The following KDM4C variants were observed in gnomAD, a reference collection of about 807,000 sequenced individuals.
The protein encoded by KDM4C is lysine demethylase 4C.
Under a neutral mutation model 129.3 loss-of-function variants are expected in KDM4C, and 81 were observed. That is an observed-to-expected ratio of 0.63 (90% CI 0.52 to 0.75). The LOEUF (loss-of-function observed/expected upper bound fraction) is 0.75, where lower values mean the gene tolerates loss of function less well. Ranked by LOEUF, KDM4C falls within the 30% of genes least tolerant of loss-of-function variation. The pLI is 0.00. For missense variants in KDM4C, 1,457 were observed against 1,304.0 expected (o/e 1.12, Z -1.81); for synonymous variants, 573 against 456.1 (o/e 1.26, Z -3.26).
chr9:6,909,501 G>A (rs1818894232), intron 8 of KDM4C, among the ~76,000 whole-genome samples: 2 of 152,176 alleles, frequency 1.3e-5, no homozygotes, highest in South Asian at 4.1e-4. Flanking sequence ...CAGGGCCCAT[G>A]AAAAATCACC....
At chr9:6,827,305 A>G (rs112616054) in intron 4 of KDM4C, among the ~76,000 whole-genome samples, 4 of 152,218 alleles carry the variant, frequency 2.6e-5, no homozygotes, top group Admixed American at 6.5e-5. Context: ...CAGCTCAGAA[A>G]TGTTTACTTT....
At chr9:6,857,922 GTTTTTTTTTTTT>G (rs71487861) in intron 5 of KDM4C, among the ~76,000 whole-genome samples, 1 of 103,118 alleles carries the variant, frequency 9.7e-6, no homozygotes. Flanking sequence ...ATCTGGCTAA[GTTTTTTTTTTTT>G]TTTTTTTTTT....
In KDM4C at chr9:7,174,749, G is replaced by A. The variant is rs776897612; in HGVS notation, c.*20G>A. 3 of 1,605,314 alleles carry A rather than the reference G, an allele frequency of 1.9e-6. No homozygotes were observed. The highest frequency in any genetic ancestry group is 2.6e-6 in the Non-Finnish European group (3 of 1,172,924). On this transcript the variant is annotated 3_prime_UTR_variant, in exon 22 of 22. Transcript: ENST00000381309. The stretch of plus-strand genomic sequence containing the variant: ...CAGTAGTCTGCATACATCGCTGCAG[G>A]CCACAGAGCAGCTTGGGTTGGAAGA...
chr9:6,807,156 C>T (rs1830144963), intron 3 of KDM4C, among the ~76,000 whole-genome samples: 1 of 152,102 alleles, frequency 6.6e-6, no homozygotes, highest in Admixed American at 6.5e-5. Context: ...TCCCGAGGTG[C>T]CGGGATTGCA....
Position 7,050,734 on chromosome 9 carries a change from T to C in KDM4C, c.2424+1534T>C, listed in dbSNP as rs1830044535. 2.0e-5 allele frequency among the ~76,000 whole-genome samples: 3 copies of C among 152,192 alleles called. No individual in the cohort carries two copies. The South Asian group carries it at 6.2e-4, about 31-fold the overall frequency. On this transcript the variant is annotated intron_variant, in intron 17 of 21. Coordinates refer to ENST00000381309, the MANE Select transcript of KDM4C (RefSeq NM_015061.6). ...TCTTGAGGCTGCCTCCACAGGCCTA[T>C]GTCTTGGCTTCTCTAGTCCATAAGT...
chr9:6,792,138 C>T (rs904726128), intron 1 of KDM4C, among the ~76,000 whole-genome samples: 2 of 152,022 alleles, frequency 1.3e-5, no homozygotes, highest in African/African-American at 4.8e-5. Context: ...GTCAGGAGTT[C>T]TAGATCAGCC....
At chr9:6,807,043 C>G (rs1462388544) in intron 3 of KDM4C, among the ~76,000 whole-genome samples, 1 of 152,064 alleles carries the variant, frequency 6.6e-6, no homozygotes, top group Admixed American at 6.5e-5. Flanking sequence ...CGATTGCAGG[C>G]ACGCGCCGCC....
At chr9:6,834,043 C>CTTTTTT (rs71487860) in intron 4 of KDM4C, among the ~76,000 whole-genome samples, 3 of 109,480 alleles carry the variant, frequency 2.7e-5, no homozygotes, top group East Asian at 2.9e-4. Context: ...AAGAGATAGT[C>CTTTTTT]TTTTTTTTTT....
chr9:6,985,302 A>G (rs567862572), intron 10 of KDM4C, among the ~76,000 whole-genome samples: 5 of 152,372 alleles, frequency 3.3e-5, no homozygotes, highest in Admixed American at 2.0e-4. Context: ...AAGTCTTCAC[A>G]TAGTCCTAAA....
At chr9:6,846,585 T>C (rs1194455543) in intron 4 of KDM4C, among the ~76,000 whole-genome samples, 1 of 152,246 alleles carries the variant, frequency 6.6e-6, no homozygotes, top group East Asian at 1.9e-4. Flanking sequence ...TTTGCACAAC[T>C]GCTTAATTGA....
intron 8 of KDM4C, among the ~76,000 whole-genome samples, chr9:6,907,588 TGTCTTTACTCATAG>T (rs1589042240): frequency 1.3e-5 from 2 of 152,190 alleles, no homozygotes; most frequent in East Asian, 3.8e-4. Context: ...TATAAATATG[TGTCTTTACTCATAG>T]GACTTTTTCA....
chr9:6,842,219 C>A (rs1372013596), intron 4 of KDM4C, among the ~76,000 whole-genome samples: 1 of 151,452 alleles, frequency 6.6e-6, no homozygotes, highest in African/African-American at 2.4e-5. Flanking sequence ...TTCCTTTATT[C>A]TTTTAAAATT....
At chr9:6,990,351 G>GT (rs112486972) in intron 11 of KDM4C, 65 bp from the exon 12 acceptor site, 81,666 of 709,346 alleles carry the variant, frequency 0.12, 16 homozygotes, top group South Asian at 0.16. Context: ...GAACTGTAGG[G>GT]TTTTTTTTTT....
At chr9:6,778,049 T>G (rs1823465282) in intron 1 of KDM4C, among the ~76,000 whole-genome samples, 1 of 151,100 alleles carries the variant, frequency 6.6e-6, no homozygotes, top group Non-Finnish European at 1.5e-5. Context: ...GCCTCCTGAG[T>G]GGCTGGGACT....
At chr9:7,074,353 A>G (rs1375832545) in intron 17 of KDM4C, among the ~76,000 whole-genome samples, 1 of 152,010 alleles carries the variant, frequency 6.6e-6, no homozygotes. Flanking sequence ...TTTTAGTAGA[A>G]ATGAGGTTTC....
chr9:6,888,193 G>A, intron 7 of KDM4C, 130 bp downstream of exon 7: 1 of 425,504 alleles, frequency 2.4e-6, no homozygotes. Flanking sequence ...ATGTTTTATA[G>A]CATATCAATT....
chr9:7,164,397 C>T (rs1844144812), intron 19 of KDM4C, among the ~76,000 whole-genome samples: 1 of 150,284 alleles, frequency 6.7e-6, no homozygotes, highest in African/African-American at 2.4e-5. Flanking sequence ...GGGGAGTTTG[C>T]TCTGAATTAC....
chr9:6,898,492 A>G (rs575270463), intron 8 of KDM4C, among the ~76,000 whole-genome samples: 1 of 152,380 alleles, frequency 6.6e-6, no homozygotes, highest in East Asian at 1.9e-4. Flanking sequence ...AAGTGATCAT[A>G]TTAACATGAT....
At chr9:6,816,793 G>C (rs1031858159) in intron 4 of KDM4C, among the ~76,000 whole-genome samples, 2 of 150,486 alleles carry the variant, frequency 1.3e-5, no homozygotes, top group Non-Finnish European at 3.0e-5. Flanking sequence ...TGAATGTTTG[G>C]ATTTCCCCTT....
Sources: allele counts gnomAD v4.1 joint callset (sites outside exome capture counted in the v4.1 genomes callset), GRCh38; gene constraint gnomAD v4.1.1; transcripts MANE v1.5; gene names NCBI Gene and HGNC (gene_info 2026-07-23, HGNC 2026-07-21).